Variants in EDDM3B observed in about 807,000 individuals in gnomAD.
EDDM3B encodes the protein epididymal secretory protein E3-beta.
For synonymous variants in EDDM3B, 71 were observed against 59.1 expected, an observed-to-expected ratio of 1.20 and a Z score of -0.92; for missense variants, 189 against 178.3, an observed-to-expected ratio of 1.06 and a Z score of -0.34.
At position 20,770,349 on chromosome 14, in the gene EDDM3B, A is replaced by G. The variant is rs1878303909; in HGVS notation, c.199A>G (p.Met67Val). The change falls in exon 2 of 2, where the codon ATG becomes GTG. Residue 67 changes from methionine (M) to valine (V), a missense_variant. Physicochemically the swap from Met to Val is conservative, Grantham distance 21. Transcript: ENST00000326783. ...NEALKDKSSH[M>V]FIYISWYKIE... is the part of the protein sequence containing the mutation. The stretch of plus-strand genomic sequence containing the variant: ...AGCTCTGAAAGACAAGAGCTCTCAC[A>G]TGTTTATCTATATCTCATGGTACAA... The G allele has an allele frequency of 6.2e-7, 1 of 1,614,192 alleles. No homozygotes were observed.
intron 1 of EDDM3B, among the ~76,000 whole-genome samples, chr14:20,769,101 A>G (rs1364001970): frequency 6.6e-6 from 1 of 152,178 alleles, no homozygotes; most frequent in Non-Finnish European, 1.5e-5. Flanking sequence ...GGAATATTTC[A>G]AATCTGGAAT....
Position 20,770,652 on chromosome 14 carries a change from C to A in EDDM3B, c.*58C>A. ...GTATTCAGTGCTTTCTAAGTAGCAGCCCCTGCCTCCATCAATAGTCCTACC... is the reference window on the plus strand; with the variant it reads ...GTATTCAGTGCTTTCTAAGTAGCAGACCCTGCCTCCATCAATAGTCCTACC... On this transcript the variant is annotated 3_prime_UTR_variant, in exon 2 of 2. Transcript: ENST00000326783. 4 of 1,378,990 alleles carry A rather than the reference C, an allele frequency of 2.9e-6. No individual in the cohort carries two copies. Among genetic ancestry groups the A allele is most frequent in the Non-Finnish European group, 4.0e-6 (4 of 1,005,456 alleles). 85.4% of individuals were successfully genotyped at this position (1,378,990 alleles called of 1,614,324 possible). A position where few individuals can be genotyped will look rare whatever the true frequency, so the allele number is the denominator to read the frequency against.
At chr14:20,769,589 G>T (rs752248294) in intron 1 of EDDM3B, among the ~76,000 whole-genome samples, 7 of 152,194 alleles carry the variant, frequency 4.6e-5, no homozygotes, top group Non-Finnish European at 8.8e-5. Flanking sequence ...TTATAAGGAA[G>T]TCAAGATTGG....
chr14:20,770,940 T>C lies in EDDM3B; in HGVS notation c.*346T>C, dbSNP rs1313771110. Reference sequence around the variant, plus strand: ...TCTTCCCTTCCCTAAATAAATTATATGACTGCAATGTGTGTGACATTCATA... The same window carrying C: ...TCTTCCCTTCCCTAAATAAATTATACGACTGCAATGTGTGTGACATTCATA... On this transcript the variant is annotated 3_prime_UTR_variant, in exon 2 of 2. Transcript: ENST00000326783. 1 of 265,614 alleles carries C rather than the reference T, an allele frequency of 3.8e-6. No homozygotes were observed. The highest frequency in any genetic ancestry group is 9.3e-5 in the East Asian group (1 of 10,774). 16.5% of individuals were successfully genotyped at this position (265,614 alleles called of 1,614,324 possible). A position where few individuals can be genotyped will look rare whatever the true frequency, so the allele number is the denominator to read the frequency against.
chr14:20,769,828 C>T (rs1173195811), intron 1 of EDDM3B, among the ~76,000 whole-genome samples: 2 of 152,118 alleles, frequency 1.3e-5, no homozygotes, highest in Non-Finnish European at 2.9e-5. Context: ...AAAAAGGAGC[C>T]AGCTGGAGGG....
At position 20,770,514 on chromosome 14, in the gene EDDM3B, T is replaced by C; in HGVS notation, c.364T>C (p.Tyr122His). The C allele has an allele frequency of 6.2e-7, 1 of 1,614,160 alleles. No homozygotes were observed. Residue 122 changes from tyrosine (Y) to histidine (H), a missense_variant, in exon 2 of 2, where the codon TAC (tyrosine) becomes CAC (histidine). Tyr to His is a moderately conservative substitution (Grantham distance 83). Transcript: ENST00000326783. ...NSYTESRSFNYIEFHCSMDGY... is the reference protein window; with the variant it reads ...NSYTESRSFNHIEFHCSMDGY... ...CTACACAGAGAGCAGGAGCTTCAACTACATTGAATTCCATTGTAGCATGGA... is the reference window on the plus strand; with the variant it reads ...CTACACAGAGAGCAGGAGCTTCAACCACATTGAATTCCATTGTAGCATGGA...
chr14:20,769,116 G>A (rs902248928), intron 1 of EDDM3B, among the ~76,000 whole-genome samples: 1 of 152,196 alleles, frequency 6.6e-6, no homozygotes, highest in Non-Finnish European at 1.5e-5. Context: ...TGGAATTCTG[G>A]TTGGGTGTAG....
At position 20,770,146 on chromosome 14, in the gene EDDM3B, C is replaced by T. The variant is rs1878294359; in HGVS notation, c.-5C>T. 6.3e-7 allele frequency: 1 copy of T among 1,599,554 alleles called. No individual in the cohort carries two copies. The highest frequency in any genetic ancestry group is 1.3e-5 in the African/African-American group (1 of 74,258). ...GTGGACACGCAGGCGGCCCCGGTGACTGAGATGGCATCGTCTCTAAAGATC... is the reference window on the plus strand; with the variant it reads ...GTGGACACGCAGGCGGCCCCGGTGATTGAGATGGCATCGTCTCTAAAGATC... On this transcript the variant is annotated 5_prime_UTR_variant, in exon 2 of 2. Transcript: ENST00000326783.
intron 1 of EDDM3B, among the ~76,000 whole-genome samples, 165 bp from the exon 2 acceptor site, chr14:20,769,968 A>G (rs1214541193): frequency 6.6e-6 from 1 of 152,196 alleles, no homozygotes; most frequent in Admixed American, 6.5e-5. Flanking sequence ...TTTAGTTCTT[A>G]GAAACTCTAT....
rs1878318877 is a variant in EDDM3B, at chr14:20,770,669, A to C, written c.*75A>C. On this transcript the variant is annotated 3_prime_UTR_variant, in exon 2 of 2. Transcript: ENST00000326783. The stretch of plus-strand genomic sequence containing the variant: ...AGTAGCAGCCCCTGCCTCCATCAAT[A>C]GTCCTACCACTCCCCTCTTGCATTT... The C allele has an allele frequency of 8.7e-7, 1 of 1,147,072 alleles. No homozygotes were observed. The highest frequency in any genetic ancestry group is 2.3e-5 in the Admixed American group (1 of 43,562). The allele number at this position is 1,147,072 out of a possible 1,614,324, so 71.1% of individuals were successfully genotyped here.
chr14:20,769,830 G>C (rs28636490), intron 1 of EDDM3B, among the ~76,000 whole-genome samples: 17,594 of 152,188 alleles, frequency 0.12, 1,907 homozygotes, highest in African/African-American at 0.28. Context: ...AAAGGAGCCA[G>C]CTGGAGGGTG....
intron 1 of EDDM3B, 45 bp from the exon 2 acceptor site, chr14:20,770,088 A>C: frequency 6.8e-7 from 1 of 1,471,224 alleles, no homozygotes; most frequent in South Asian, 1.4e-5. Flanking sequence ...CTCTCTGGGC[A>C]TTGTCTGGAT....
Position 20,770,232 on chromosome 14 carries a change from G to C in EDDM3B, c.82G>C (p.Val28Leu). Residue 28 changes from valine to leucine, a missense_variant, in exon 2 of 2, where the codon GTT becomes CTT. Coordinates refer to ENST00000326783, the MANE Select transcript of EDDM3B (RefSeq NM_022360.5). ...LCTLLVQSKEVSWREFMKQHY... is the reference protein window; with the variant it reads ...LCTLLVQSKELSWREFMKQHY... ...CACACTGCTTGTACAGAGCAAAGAA[G>C]TTTCTTGGAGAGAATTCATGAAACA... 1 of 1,614,178 alleles carries C rather than the reference G, an allele frequency of 6.2e-7. No individual in the cohort carries two copies. The highest frequency in any genetic ancestry group is 8.5e-7 in the Non-Finnish European group (1 of 1,180,034).
chr14:20,769,905 C>A (rs1454543693), intron 1 of EDDM3B, among the ~76,000 whole-genome samples: 1 of 152,120 alleles, frequency 6.6e-6, no homozygotes, highest in African/African-American at 2.4e-5. Context: ...TCAAAATGAA[C>A]TTCATCTATT....
chr14:20,768,583 C>A (rs528714108), intron 1 of EDDM3B, 77 bp downstream of exon 1: 1 of 152,246 alleles, frequency 6.6e-6, no homozygotes, highest in African/African-American at 2.4e-5. Flanking sequence ...TTTTAGATAG[C>A]AAACAATGGA....
chr14:20,770,767 T>C lies in EDDM3B; in HGVS notation c.*173T>C, dbSNP rs73578052. ...CTTGATACCATAACTTTGCCTGTGT[T>C]GTTTCTCTGCCTGGAATACACTTTT... is the stretch of plus-strand genomic sequence containing the variant. On this transcript the variant is annotated 3_prime_UTR_variant, in exon 2 of 2. Coordinates refer to ENST00000326783, the MANE Select transcript of EDDM3B (RefSeq NM_022360.5). 5,942 of 609,540 alleles carry C rather than the reference T, an allele frequency of 9.7e-3. 155 individuals are homozygous for C. The highest frequency in any genetic ancestry group is 0.079 in the East Asian group (2,772 of 35,104). 37.8% of individuals were successfully genotyped at this position (609,540 alleles called of 1,614,324 possible).
chr14:20,769,800 C>T (rs1275118034), intron 1 of EDDM3B, among the ~76,000 whole-genome samples: 2 of 152,158 alleles, frequency 1.3e-5, no homozygotes, highest in African/African-American at 4.8e-5. Flanking sequence ...CACATGATCT[C>T]CTGAGAGTTG....
Position 20,770,312 on chromosome 14 carries a change from GA to G in EDDM3B, c.163del (p.Arg55GlufsTer6). ...FREYKCDVLM[R>X]ENEALKDKSS... ...GAGAGTACAAATGTGATGTCCTCAT[GA>G]GAGAAAATGAAGCTCTGAAAGACAA... On this transcript the variant is annotated frameshift_variant, in exon 2 of 2. Coordinates refer to ENST00000326783, the MANE Select transcript of EDDM3B (RefSeq NM_022360.5). LOFTEE classifies it low-confidence loss of function (END_TRUNC). The G allele has an allele frequency of 6.2e-7, 1 of 1,614,202 alleles. No homozygotes were observed. The highest frequency in any genetic ancestry group is 8.5e-7 in the Non-Finnish European group (1 of 1,180,022).
At position 20,770,277 on chromosome 14, in the gene EDDM3B, C is replaced by G; in HGVS notation, c.127C>G (p.Arg43Gly). 6.2e-7 allele frequency: 1 copy of G among 1,613,972 alleles called. No individual in the cohort carries two copies. Among genetic ancestry groups the G allele is most frequent in the Non-Finnish European group, 8.5e-7 (1 of 1,180,002 alleles). The change falls in exon 2 of 2, where the codon CGA (arginine) becomes GGA (glycine). Residue 43 changes from arginine to glycine, a missense_variant. Coordinates refer to ENST00000326783, the MANE Select transcript of EDDM3B (RefSeq NM_022360.5). ...GAAACAGCACTACTTAAGTCCAAGT[C>G]GAGAATTCAGAGAGTACAAATGTGA... ...FMKQHYLSPS[R>G]EFREYKCDVL...
Sources: allele counts gnomAD v4.1 joint callset (sites outside exome capture counted in the v4.1 genomes callset), GRCh38; gene constraint gnomAD v4.1.1; transcripts MANE v1.5; gene names NCBI Gene and HGNC (gene_info 2026-07-23, HGNC 2026-07-21).